Variants in RBM25 observed in about 807,000 individuals in gnomAD.
The protein encoded by RBM25 is RNA-binding protein 25.
Under a neutral mutation model 120.7 loss-of-function variants are expected in RBM25, and 19 were observed. The ratio of observed to expected loss-of-function variants is 0.16; its 90% CI spans 0.11 to 0.23. The LOEUF is 0.23. Among genes scored for constraint, RBM25 ranks in the 10% least tolerant of loss-of-function variants. RBM25 has a pLI of 1.00. For missense variants in RBM25, 605 were observed against 1,041.5 expected (o/e 0.58, Z 5.77); for synonymous variants, 390 against 326.7 (o/e 1.19, Z -2.09).
intron 4 of RBM25, among the ~76,000 whole-genome samples, chr14:73,080,980 A>G (rs1173973791): frequency 6.6e-6 from 1 of 151,026 alleles, no homozygotes; most frequent in Non-Finnish European, 1.5e-5. Context: ...GCCTGCTACC[A>G]CACCTGGCTA....
intron 4 of RBM25, among the ~76,000 whole-genome samples, chr14:73,079,306 C>G (rs1052341930): frequency 6.0e-5 from 9 of 150,428 alleles, no homozygotes; most frequent in African/African-American, 1.9e-4. Context: ...GCCTGCAATC[C>G]CAACTACGCG....
chr14:73,106,539 A>G (rs915324747), intron 12 of RBM25, among the ~76,000 whole-genome samples: 1 of 152,144 alleles, frequency 6.6e-6, no homozygotes. Flanking sequence ...GTAATATTTA[A>G]GTCAAGAATT....
intron 6 of RBM25, among the ~76,000 whole-genome samples, chr14:73,093,993 C>T (rs1409115208): frequency 6.8e-6 from 1 of 146,952 alleles, no homozygotes; most frequent in Non-Finnish European, 1.5e-5. Context: ...ACTCTGTCGC[C>T]CAGGCTGGAG....
Position 73,112,180 on chromosome 14 carries a change from G to A in RBM25, c.2321G>A (p.Trp774Ter). Residue 774 changes from tryptophan (W) to a stop codon, truncating the protein, a stop_gained, in exon 17 of 19, where the codon TGG becomes TAG. Coordinates refer to ENST00000261973, the MANE Select transcript of RBM25 (RefSeq NM_021239.3). LOFTEE classifies it high-confidence loss of function. ...SILMERRIRPWINKKIIEYIG... is the reference protein window; with the variant it reads ...SILMERRIRP Reference sequence around the variant, plus strand: ...CTGATGGAACGTCGAATTAGACCATGGATTAATAAGAAAATCATAGAATAT... The same window carrying A: ...CTGATGGAACGTCGAATTAGACCATAGATTAATAAGAAAATCATAGAATAT... 1 of 1,605,316 alleles carries A rather than the reference G, an allele frequency of 6.2e-7. No individual in the cohort carries two copies. The highest frequency in any genetic ancestry group is 1.1e-5 in the South Asian group (1 of 88,412).
chr14:73,090,758 CTG>C (rs1310169590), intron 6 of RBM25, among the ~76,000 whole-genome samples: 3 of 152,202 alleles, frequency 2.0e-5, no homozygotes, highest in African/African-American at 7.2e-5. Flanking sequence ...AGTTTGTGGG[CTG>C]TGTCTCTTTA....
intron 6 of RBM25, among the ~76,000 whole-genome samples, chr14:73,093,949 T>TTG (rs1895874720): frequency 2.1e-5 from 2 of 95,246 alleles, no homozygotes; most frequent in Non-Finnish European, 4.1e-5. Flanking sequence ...TCAGGTTTTG[T>TTG]TTTTTTTTTT....
intron 18 of RBM25, among the ~76,000 whole-genome samples, chr14:73,116,540 A>C (rs1896431449): frequency 1.3e-5 from 2 of 152,178 alleles, no homozygotes; most frequent in Admixed American, 6.5e-5. Context: ...CATTTGTGAA[A>C]ACTTCATTGC....
intron 4 of RBM25, among the ~76,000 whole-genome samples, chr14:73,078,938 C>G (rs911314490): frequency 6.6e-6 from 1 of 152,122 alleles, no homozygotes; most frequent in African/African-American, 2.4e-5. Context: ...GTCCTTTTCC[C>G]CAATGATGTT....
intron 5 of RBM25, among the ~76,000 whole-genome samples, 189 bp from the exon 6 acceptor site, chr14:73,087,812 T>C (rs964451819): frequency 1.3e-5 from 2 of 152,232 alleles, no homozygotes; most frequent in Non-Finnish European, 2.9e-5. Context: ...TCCCTTTTTT[T>C]CCCCTTTGGT....
At chr14:73,083,211 T>C (rs1219750889) in intron 4 of RBM25, among the ~76,000 whole-genome samples, 3 of 152,244 alleles carry the variant, frequency 2.0e-5, no homozygotes, top group Non-Finnish European at 4.4e-5. Context: ...GGTTTACGTG[T>C]TTATTTTGTT....
At chr14:73,100,124 C>G (rs1395120700) in intron 9 of RBM25, 15 of 467,384 alleles carry the variant, frequency 3.2e-5, no homozygotes, top group Non-Finnish European at 5.3e-5. Context: ...TTAGGAATAC[C>G]TTTTCTTTAG....
rs766461418 is a variant in RBM25, at chr14:73,080,213, C to CTTTTTTTTTTTTTTTTTTTTTTTTTTT, written c.324+2679_324+2705dup. Among the ~76,000 whole-genome samples, 2 of 67,178 alleles carry CTTTTTTTTTTTTTTTTTTTTTTTTTTT rather than the reference C, an allele frequency of 3.0e-5. 1 individual carries two copies. The highest frequency in any genetic ancestry group is 1.3e-4 in the African/African-American group (2 of 15,778). The allele number at this position is 67,178 out of a possible 152,430, so 44.1% of individuals were successfully genotyped here. On this transcript the variant is annotated intron_variant, in intron 4 of 18. Transcript: ENST00000261973. Reference sequence around the variant, plus strand: ...TGTCCGAGTTTCTATTCTTACACATCTTTTTTTTTTTTTTTTTTTTTTTTT... The same window carrying CTTTTTTTTTTTTTTTTTTTTTTTTTTT: ...TGTCCGAGTTTCTATTCTTACACATCTTTTTTTTTTTTTTTTTTTTTTTTTTTTTTTTTTTTTTTTTTTTTTTTTTTT...
At chr14:73,118,233 T>C (rs1896474559) in intron 18 of RBM25, among the ~76,000 whole-genome samples, 1 of 152,210 alleles carries the variant, frequency 6.6e-6, no homozygotes, top group African/African-American at 2.4e-5. Context: ...CCCAGCACTT[T>C]GGAAGGCCAA....
chr14:73,114,829 A>G (rs748638620), intron 18 of RBM25, among the ~76,000 whole-genome samples: 18 of 152,108 alleles, frequency 1.2e-4, no homozygotes, highest in African/African-American at 1.9e-4. Context: ...TGTGAGGTGG[A>G]GGTTGCAGTG....
At chr14:73,063,223 C>T in intron 1 of RBM25, among the ~76,000 whole-genome samples, 1 of 151,098 alleles carries the variant, frequency 6.6e-6, no homozygotes, top group East Asian at 2.0e-4. Context: ...AATCTCTGCT[C>T]ACTGCAAGCT....
At chr14:73,080,432 C>T (rs372480679) in intron 4 of RBM25, among the ~76,000 whole-genome samples, 2 of 152,054 alleles carry the variant, frequency 1.3e-5, no homozygotes, top group East Asian at 3.9e-4. Flanking sequence ...ACCATGTTAG[C>T]CAGGATGGTC....
chr14:73,109,807 C>T (rs1046705250), intron 14 of RBM25, among the ~76,000 whole-genome samples: 8 of 152,130 alleles, frequency 5.3e-5, no homozygotes, highest in African/African-American at 1.9e-4. Flanking sequence ...AAGCGATTCT[C>T]CTGCCTCAGG....
intron 14 of RBM25, among the ~76,000 whole-genome samples, chr14:73,110,318 CACTT>C (rs1207088115): frequency 6.6e-6 from 1 of 152,020 alleles, no homozygotes; most frequent in African/African-American, 2.4e-5. Context: ...GTATCTGGGA[CACTT>C]ACAGGCATGA....
chr14:73,076,339 C>T lies in RBM25; in HGVS notation c.127C>T (p.Pro43Ser). 1 of 1,611,818 alleles carries T rather than the reference C, an allele frequency of 6.2e-7. No individual in the cohort carries two copies. Among genetic ancestry groups the T allele is most frequent in the Non-Finnish European group, 8.5e-7 (1 of 1,178,410 alleles). ...CTTAGGGACCCCAATGATTCCTGTA[C>T]CAATGAGCATTATGGCTCCTGCTCC... ...VPPGTPMIPV[P>S]MSIMAPAPTV... is the part of the protein sequence containing the mutation. Residue 43 changes from proline to serine, a missense_variant, in exon 3 of 19, where the codon CCA (proline) becomes TCA (serine). This residue lies in a region of RBM25 where 90 missense variants were observed against 107.3 expected (regional missense o/e 0.84). Coordinates refer to ENST00000261973, the MANE Select transcript of RBM25 (RefSeq NM_021239.3).
Sources: allele counts gnomAD v4.1 joint callset (sites outside exome capture counted in the v4.1 genomes callset), GRCh38; gene constraint gnomAD v4.1.1; regional missense constraint gnomAD v4.1.1; transcripts MANE v1.5; gene names NCBI Gene and HGNC (gene_info 2026-07-23, HGNC 2026-07-21).